GABBR2: variants seen among roughly 807,000 people sequenced by gnomAD.
The protein encoded by GABBR2 is G-protein coupled receptor 51.
A neutral mutation model predicts 105.6 loss-of-function variants in GABBR2; 23 were observed. That is an observed-to-expected ratio of 0.22 (90% CI 0.16 to 0.31). The LOEUF is 0.31. Among genes scored for constraint, GABBR2 ranks in the 10% least tolerant of loss-of-function variants. The probability of loss-of-function intolerance (pLI) is 1.00; values close to 1 mark genes in which losing one functional copy is unlikely to be tolerated. For synonymous variants in GABBR2, 478 were observed against 499.7 expected, an observed-to-expected ratio of 0.96 and a Z score of 0.58; for missense variants, 734 against 1,245.5, an observed-to-expected ratio of 0.59 and a Z score of 6.18.
chr9:98,630,284 G>A (rs1015803056), intron 1 of GABBR2, among the ~76,000 whole-genome samples: 1 of 152,164 alleles, frequency 6.6e-6, no homozygotes, highest in African/African-American at 2.4e-5. Context: ...TAGTCTTTCT[G>A]GGCCTTAATT....
intron 7 of GABBR2, among the ~76,000 whole-genome samples, chr9:98,442,599 G>A (rs1463027707): frequency 6.6e-6 from 1 of 152,212 alleles, no homozygotes; most frequent in Non-Finnish European, 1.5e-5. Flanking sequence ...ATAAATAGCA[G>A]TCTCCACTTT....
chr9:98,492,172 T>C (rs928295191), intron 4 of GABBR2, among the ~76,000 whole-genome samples: 3 of 151,970 alleles, frequency 2.0e-5, no homozygotes, highest in Non-Finnish European at 4.4e-5. Flanking sequence ...CCTGTCTAAG[T>C]ATGACTCTCT....
At chr9:98,404,552 G>A (rs2131527077) in intron 8 of GABBR2, among the ~76,000 whole-genome samples, 1 of 152,130 alleles carries the variant, frequency 6.6e-6, no homozygotes, top group Admixed American at 6.5e-5. Context: ...CTTGTTTCTG[G>A]GTTTTCCAGA....
intron 7 of GABBR2, among the ~76,000 whole-genome samples, chr9:98,440,713 C>T (rs1164298751): frequency 6.6e-6 from 1 of 152,216 alleles, no homozygotes; most frequent in Non-Finnish European, 1.5e-5. Flanking sequence ...CTCCATCACG[C>T]AGGTCTGGTT....
At chr9:98,357,715 A>G (rs1407568364) in intron 13 of GABBR2, among the ~76,000 whole-genome samples, 1 of 152,160 alleles carries the variant, frequency 6.6e-6, no homozygotes, top group Non-Finnish European at 1.5e-5. Context: ...GTTTCTGAAG[A>G]GGAGATATAA....
Position 98,562,004 on chromosome 9 carries a change from T to C in GABBR2, c.459+15931A>G, listed in dbSNP as rs1452346965. ...AGCTTGTGAGGAAATGGGATAGTCA[T>C]ACGGTCTCAGCGTTTCACCCCATAG... On this transcript the variant is annotated intron_variant, in intron 2 of 18. Transcript: ENST00000259455. Among the ~76,000 whole-genome samples, 3 of 152,322 alleles carry C rather than the reference T, an allele frequency of 2.0e-5. No individual in the cohort carries two copies. The South Asian group carries it at 6.2e-4, about 32-fold the overall frequency.
Position 98,392,128 on chromosome 9 carries a change from G to A in GABBR2, c.1378+2047C>T, listed in dbSNP as rs547095993. Among the ~76,000 whole-genome samples the A allele has an allele frequency of 2.0e-5, 3 of 152,244 alleles. No individual in the cohort carries two copies. The East Asian group carries it at 5.8e-4, about 30-fold the overall frequency. On this transcript the variant is annotated intron_variant, in intron 9 of 18. Transcript: ENST00000259455. ...TATGCCTGGCACAGCGGCTTCCTGT[G>A]TTCTCTCAGCCTGGGGGCAGAGCCC... is the stretch of plus-strand genomic sequence containing the variant.
intron 7 of GABBR2, among the ~76,000 whole-genome samples, chr9:98,446,850 C>T (rs979317089): frequency 4.6e-5 from 7 of 152,108 alleles, no homozygotes; most frequent in African/African-American, 1.7e-4. Context: ...TATTTCAGAG[C>T]TTCTAACAAG....
chr9:98,538,505 G>T lies in GABBR2; in HGVS notation c.630+3368C>A, dbSNP rs144878969. 2.5e-4 allele frequency: 148 copies of T among 594,004 alleles called. 3 individuals carry two copies. The East Asian group carries it at 6.8e-3, about 27-fold the overall frequency. 36.8% of individuals were successfully genotyped at this position (594,004 alleles called of 1,614,324 possible). A position where few individuals can be genotyped will look rare whatever the true frequency, so the allele number is the denominator to read the frequency against. On this transcript the variant is annotated intron_variant, in intron 3 of 18. Transcript: ENST00000259455. ...AGTGGGCCTAGAGATCAGTACCTCA[G>T]ACCCAAGTCCTGAGCAGCCTCTGGG...
At chr9:98,662,662 C>A (rs935708593) in intron 1 of GABBR2, among the ~76,000 whole-genome samples, 1 of 152,140 alleles carries the variant, frequency 6.6e-6, no homozygotes, top group Non-Finnish European at 1.5e-5. Flanking sequence ...AATGGAGACA[C>A]CAGGTCAATT....
chr9:98,425,886 C>A (rs528179136), intron 7 of GABBR2, among the ~76,000 whole-genome samples: 2 of 152,322 alleles, frequency 1.3e-5, no homozygotes, highest in East Asian at 3.9e-4. Flanking sequence ...TCATTCAGGG[C>A]AGGTCCGGGA....
intron 1 of GABBR2, among the ~76,000 whole-genome samples, chr9:98,651,626 C>A (rs1233578631): frequency 1.3e-5 from 2 of 151,892 alleles, no homozygotes; most frequent in Admixed American, 6.6e-5. Flanking sequence ...AGAGATGGGT[C>A]TCGCTATGTT....
At chr9:98,538,225 A>G (rs911947451) in intron 3 of GABBR2, among the ~76,000 whole-genome samples, 1 of 152,222 alleles carries the variant, frequency 6.6e-6, no homozygotes, top group East Asian at 1.9e-4. Flanking sequence ...GTGGATCTCT[A>G]TGAGGCCTAG....
At chr9:98,623,718 G>C (rs1829698890) in intron 1 of GABBR2, among the ~76,000 whole-genome samples, 2 of 152,066 alleles carry the variant, frequency 1.3e-5, no homozygotes, top group African/African-American at 4.8e-5. Flanking sequence ...CTCCTTCTCT[G>C]CCTCTGACCC....
At chr9:98,646,476 C>T (rs925843667) in intron 1 of GABBR2, among the ~76,000 whole-genome samples, 14 of 152,150 alleles carry the variant, frequency 9.2e-5, no homozygotes, top group African/African-American at 3.4e-4. Flanking sequence ...CCAGCCTATT[C>T]CCTTTGCGGA....
intron 4 of GABBR2, among the ~76,000 whole-genome samples, chr9:98,492,031 C>T (rs1203621225): frequency 6.6e-6 from 1 of 152,044 alleles, no homozygotes; most frequent in Non-Finnish European, 1.5e-5. Context: ...GCTCCACTGT[C>T]TCTGGGATTT....
At chr9:98,375,986 G>A in intron 11 of GABBR2, among the ~76,000 whole-genome samples, 1 of 152,180 alleles carries the variant, frequency 6.6e-6, no homozygotes, top group Non-Finnish European at 1.5e-5. Context: ...TCTTACGTGT[G>A]TTTATTTTTC....
chr9:98,520,456 G>C (rs1404742524), intron 3 of GABBR2, among the ~76,000 whole-genome samples: 2 of 151,432 alleles, frequency 1.3e-5, no homozygotes, highest in Non-Finnish European at 2.9e-5. Flanking sequence ...TCCCCACGGA[G>C]GGTAGGGAGG....
chr9:98,456,206 G>T (rs539482341), intron 6 of GABBR2, among the ~76,000 whole-genome samples: 36 of 152,122 alleles, frequency 2.4e-4, no homozygotes, highest in Non-Finnish European at 2.8e-4. Context: ...ATGAAGCTCT[G>T]TCTCTTTAAA....
Sources: allele counts gnomAD v4.1 joint callset (sites outside exome capture counted in the v4.1 genomes callset), GRCh38; gene constraint gnomAD v4.1.1; transcripts MANE v1.5; gene names NCBI Gene and HGNC (gene_info 2026-07-23, HGNC 2026-07-21).